Variants in SH3RF3 observed in about 807,000 individuals in gnomAD.
The protein encoded by SH3RF3 is SH3 domain containing ring finger 3, also known as E3 ubiquitin-protein ligase SH3RF3.
A neutral mutation model predicts 66.3 loss-of-function variants in SH3RF3; 29 were observed. That is an observed-to-expected ratio of 0.44 (90% CI 0.33 to 0.60). SH3RF3 has a LOEUF of 0.60. Among genes scored for constraint, SH3RF3 ranks in the 20% least tolerant of loss-of-function variants. The pLI is 0.04. For synonymous variants in SH3RF3, 583 were observed against 532.0 expected (o/e 1.10, Z -1.32); for missense variants, 1,194 against 1,190.9 (o/e 1.00, Z -0.04).
At chr2:109,147,910 T>C (rs1677137097) in intron 1 of SH3RF3, among the ~76,000 whole-genome samples, 1 of 152,226 alleles carries the variant, frequency 6.6e-6, no homozygotes, top group African/African-American at 2.4e-5. Flanking sequence ...TAGTTATTGA[T>C]TGGCAGTTCA....
intron 1 of SH3RF3, among the ~76,000 whole-genome samples, chr2:109,343,844 A>G (rs926171651): frequency 1.3e-5 from 2 of 151,018 alleles, no homozygotes; most frequent in African/African-American, 4.9e-5. Context: ...TCCCAGGCTC[A>G]CTCAGTTTTC....
intron 1 of SH3RF3, among the ~76,000 whole-genome samples, chr2:109,254,335 T>G (rs1485040605): frequency 6.6e-6 from 1 of 152,158 alleles, no homozygotes; most frequent in Admixed American, 6.5e-5. Flanking sequence ...TTTCTACCTG[T>G]ATAATCCTGT....
At chr2:109,331,989 T>G (rs150856958) in intron 1 of SH3RF3, among the ~76,000 whole-genome samples, 182 of 152,278 alleles carry the variant, frequency 1.2e-3, no homozygotes, top group Admixed American at 3.3e-3. Context: ...CTGTGACTAG[T>G]CGTGGATGCC....
intron 3 of SH3RF3, among the ~76,000 whole-genome samples, chr2:109,377,526 C>G (rs1015758628): frequency 1.3e-5 from 2 of 152,144 alleles, no homozygotes; most frequent in African/African-American, 4.8e-5. Flanking sequence ...ATGCTTGTGC[C>G]TTAGTTGGTT....
intron 5 of SH3RF3, among the ~76,000 whole-genome samples, chr2:109,424,039 C>T (rs1169885485): frequency 6.6e-6 from 1 of 152,204 alleles, no homozygotes; most frequent in Admixed American, 6.5e-5. Flanking sequence ...GAAGGAGCTG[C>T]AGGCCCTGGT....
At chr2:109,437,862 C>T (rs1157754933) in intron 7 of SH3RF3, among the ~76,000 whole-genome samples, 1 of 152,156 alleles carries the variant, frequency 6.6e-6, no homozygotes, top group East Asian at 1.9e-4. Context: ...GCTGGATTCG[C>T]AGGATGATCT....
chr2:109,255,687 A>G (rs900513507), intron 1 of SH3RF3, among the ~76,000 whole-genome samples: 3 of 152,202 alleles, frequency 2.0e-5, no homozygotes, highest in Non-Finnish European at 4.4e-5. Flanking sequence ...ACCAGAAAAC[A>G]TGTGGAGGAC....
At chr2:109,309,516 G>A (rs1364229558) in intron 1 of SH3RF3, among the ~76,000 whole-genome samples, 1 of 129,002 alleles carries the variant, frequency 7.8e-6, no homozygotes, top group Non-Finnish European at 1.6e-5. Context: ...AACTTTAAAT[G>A]TAAATGGACT....
intron 4 of SH3RF3, among the ~76,000 whole-genome samples, chr2:109,415,913 G>A (rs1676711225): frequency 6.6e-6 from 1 of 152,162 alleles, no homozygotes; most frequent in African/African-American, 2.4e-5. Flanking sequence ...ACAAGGGCAA[G>A]GCTGAATAAT....
At chr2:109,278,830 C>T (rs182243466) in intron 1 of SH3RF3, among the ~76,000 whole-genome samples, 23 of 152,258 alleles carry the variant, frequency 1.5e-4, no homozygotes, top group African/African-American at 4.3e-4. Flanking sequence ...CAAGGCAAAT[C>T]GTGGGGCTAA....
At chr2:109,343,379 T>C (rs1386024067) in intron 1 of SH3RF3, among the ~76,000 whole-genome samples, 1 of 152,168 alleles carries the variant, frequency 6.6e-6, no homozygotes, top group African/African-American at 2.4e-5. Flanking sequence ...TTTTTTTCTT[T>C]CCCTCAGAAA....
chr2:109,366,591 G>A (rs955998316), intron 2 of SH3RF3, among the ~76,000 whole-genome samples: 1 of 152,238 alleles, frequency 6.6e-6, no homozygotes, highest in Non-Finnish European at 1.5e-5. Context: ...GTTCATGCCT[G>A]TAATCCCAGC....
chr2:109,468,906 C>T (rs1386333577), intron 8 of SH3RF3, among the ~76,000 whole-genome samples: 4 of 147,792 alleles, frequency 2.7e-5, no homozygotes, highest in Non-Finnish European at 5.9e-5. Context: ...CTCATGGTGA[C>T]GTTTTCAACC....
chr2:109,437,260 G>GC, intron 7 of SH3RF3, 114 bp downstream of exon 7: 1 of 1,420,866 alleles, frequency 7.0e-7, no homozygotes, highest in Admixed American at 2.8e-5. Flanking sequence ...GCTGGTGGCA[G>GC]CTTCATGGCA....
intron 1 of SH3RF3, among the ~76,000 whole-genome samples, chr2:109,341,348 C>T (rs572531817): frequency 9.5e-4 from 145 of 152,320 alleles, no homozygotes; most frequent in African/African-American, 3.3e-3. Flanking sequence ...CTGGTAAATG[C>T]ATTATTTAAA....
At chr2:109,295,765 T>C (rs1681292209) in intron 1 of SH3RF3, among the ~76,000 whole-genome samples, 1 of 151,976 alleles carries the variant, frequency 6.6e-6, no homozygotes, top group Non-Finnish European at 1.5e-5. Flanking sequence ...GGTTGTGAGA[T>C]CTTGTGGGCA....
At chr2:109,384,210 G>A (rs1339004953) in intron 3 of SH3RF3, among the ~76,000 whole-genome samples, 9 of 152,190 alleles carry the variant, frequency 5.9e-5, no homozygotes, top group Admixed American at 5.9e-4. Flanking sequence ...CCAGGCCCCG[G>A]GGATGCAGCC....
Position 109,490,694 on chromosome 2 carries a change from C to T in SH3RF3, c.2238C>T (p.His746=). ...SRSPPSVSPT[H]DPQVAVDALL... ...CCCCGCCATCTGTGTCTCCAACCCA[C>T]GACCCCCAGGTGGCCGTGGACGCCC... The change falls in exon 9 of 10, where the codon CAC becomes CAT. Residue 746 remains histidine, a synonymous_variant. Transcript: ENST00000309415. 6 of 1,531,774 alleles carry T rather than the reference C, an allele frequency of 3.9e-6. No homozygotes were observed. Among genetic ancestry groups the T allele is most frequent in the Non-Finnish European group, 4.4e-6 (5 of 1,142,872 alleles). 94.9% of individuals were successfully genotyped at this position (1,531,774 alleles called of 1,614,324 possible).
At chr2:109,347,410 G>T (rs73955550) in intron 1 of SH3RF3, among the ~76,000 whole-genome samples, 3,938 of 152,118 alleles carry the variant, frequency 0.026, 158 homozygotes, top group African/African-American at 0.088. Context: ...CACAGAATGA[G>T]GTTGTCTGTG....
Sources: allele counts gnomAD v4.1 joint callset (sites outside exome capture counted in the v4.1 genomes callset), GRCh38; gene constraint gnomAD v4.1.1; transcripts MANE v1.5; gene names NCBI Gene and HGNC (gene_info 2026-07-23, HGNC 2026-07-21).